The following CADPS2 variants were observed in gnomAD, a reference collection of about 807,000 sequenced individuals.
The protein encoded by CADPS2 is calcium dependent secretion activator 2, also known as calcium-dependent secretion activator 2.
CADPS2 carries 93 observed loss-of-function variants against 172.5 expected under a neutral mutation model. The observed-to-expected ratio is 0.54, with a 90% CI of 0.46 to 0.64. The LOEUF is 0.64. Among genes scored for constraint, CADPS2 ranks in the 30% least tolerant of loss-of-function variants. CADPS2 has a pLI of 0.00. For synonymous variants in CADPS2, 546 were observed against 555.2 expected, an observed-to-expected ratio of 0.98 and a Z score of 0.23; for missense variants, 1,420 against 1,565.9, an observed-to-expected ratio of 0.91 and a Z score of 1.57.
At chr7:122,423,529 C>T (rs921298283) in intron 17 of CADPS2, among the ~76,000 whole-genome samples, 2 of 152,090 alleles carry the variant, frequency 1.3e-5, no homozygotes, top group African/African-American at 4.8e-5. Flanking sequence ...ATAATTGCTC[C>T]ACTATCTGTG....
intron 2 of CADPS2, among the ~76,000 whole-genome samples, chr7:122,686,325 A>G (rs1310125096): frequency 6.6e-6 from 1 of 152,226 alleles, no homozygotes. Context: ...CCTATTGTAC[A>G]TGTGAAATAT....
At chr7:122,569,686 A>C (rs1335556453) in intron 7 of CADPS2, among the ~76,000 whole-genome samples, 4 of 145,200 alleles carry the variant, frequency 2.8e-5, no homozygotes, top group African/African-American at 1.1e-4. Flanking sequence ...AAACAGAGAT[A>C]TAGATCAATG....
chr7:122,664,837 C>G (rs549136664), intron 2 of CADPS2, among the ~76,000 whole-genome samples: 1 of 152,084 alleles, frequency 6.6e-6, no homozygotes, highest in East Asian at 1.9e-4. Flanking sequence ...CAGGCTGGAG[C>G]CCAGTGACAC....
intron 11 of CADPS2, among the ~76,000 whole-genome samples, chr7:122,481,746 C>T (rs1246669732): frequency 6.6e-6 from 1 of 152,056 alleles, no homozygotes; most frequent in African/African-American, 2.4e-5. Context: ...TGCAGTGGCT[C>T]ATGCCTGTAA....
chr7:122,686,711 C>A (rs2083673539), intron 2 of CADPS2, among the ~76,000 whole-genome samples: 2 of 152,206 alleles, frequency 1.3e-5, no homozygotes, highest in Non-Finnish European at 2.9e-5. Context: ...TCCACCCTGA[C>A]AGAGTCTCAT....
chr7:122,668,949 A>G (rs529071099), intron 2 of CADPS2, among the ~76,000 whole-genome samples: 103 of 152,308 alleles, frequency 6.8e-4, no homozygotes, highest in African/African-American at 2.5e-3. Context: ...CCATCAAAAC[A>G]GAAGGTAAGC....
At position 122,573,994 on chromosome 7, in the gene CADPS2, A is replaced by C. The variant is rs560153107; in HGVS notation, c.1335+7185T>G. Among the ~76,000 whole-genome samples the C allele has an allele frequency of 6.6e-5, 10 of 152,266 alleles. No homozygotes were observed. In the South Asian group the frequency reaches 2.1e-3, roughly 32 times the overall value. On this transcript the variant is annotated intron_variant, in intron 7 of 29. Transcript: ENST00000449022. ...CAGACATACACACTTACTGGAATAC[A>C]TTCTAAAGACAAATCAAATGGCAAA...
intron 2 of CADPS2, among the ~76,000 whole-genome samples, chr7:122,730,905 A>AT (rs771983696): frequency 1.8e-4 from 27 of 151,672 alleles, no homozygotes; most frequent in South Asian, 2.1e-4. Flanking sequence ...AATTCAAGAC[A>AT]TTTTGCAAAA....
At chr7:122,455,620 A>G (rs898599716) in intron 14 of CADPS2, among the ~76,000 whole-genome samples, 1 of 152,090 alleles carries the variant, frequency 6.6e-6, no homozygotes, top group Non-Finnish European at 1.5e-5. Context: ...ATTACTTAAG[A>G]TGATAAGAAT....
chr7:122,427,167 C>A (rs887938497), intron 17 of CADPS2: 4 of 149,950 alleles, frequency 2.7e-5, no homozygotes, highest in Non-Finnish European at 4.4e-5. Context: ...TTTTTCTTTT[C>A]TTTTTTAGAA....
At chr7:122,617,693 C>G (rs2075080600) in intron 5 of CADPS2, among the ~76,000 whole-genome samples, 1 of 152,112 alleles carries the variant, frequency 6.6e-6, no homozygotes. Context: ...TAGCACCAAA[C>G]ATAGAGAAAG....
intron 28 of CADPS2, among the ~76,000 whole-genome samples, chr7:122,339,696 G>A (rs1479324741): frequency 6.6e-6 from 1 of 152,142 alleles, no homozygotes; most frequent in African/African-American, 2.4e-5. Flanking sequence ...AGACTCGTCT[G>A]GCCAACGTGG....
Position 122,319,829 on chromosome 7 carries a change from G to T in CADPS2, c.*336C>A, listed in dbSNP as rs1563055068. On this transcript the variant is annotated 3_prime_UTR_variant, in exon 30 of 30. Transcript: ENST00000449022. Reference sequence around the variant, plus strand: ...CGCTTTACACAGAAAACATCATTTTGATGTGATTACAGAAAAATGCTCAAA... The same window carrying T: ...CGCTTTACACAGAAAACATCATTTTTATGTGATTACAGAAAAATGCTCAAA... The T allele has an allele frequency of 4.8e-6, 1 of 210,454 alleles. No homozygotes were observed. The highest frequency in any genetic ancestry group is 9.4e-6 in the Non-Finnish European group (1 of 106,870). 13.0% of individuals were successfully genotyped at this position (210,454 alleles called of 1,614,324 possible).
At chr7:122,513,132 G>C (rs941147624) in intron 9 of CADPS2, 117 bp downstream of exon 9, 5 of 662,608 alleles carry the variant, frequency 7.5e-6, no homozygotes, top group African/African-American at 1.8e-5. Flanking sequence ...TTTATTTAAA[G>C]TGGCTTAAAC....
chr7:122,328,671 G>T (rs2034374835), intron 28 of CADPS2: 1 of 152,110 alleles, frequency 6.6e-6, no homozygotes. Context: ...TTCAACTCCT[G>T]TAAGGGCATG....
intron 28 of CADPS2, among the ~76,000 whole-genome samples, chr7:122,333,442 C>T (rs989126241): frequency 2.6e-5 from 4 of 152,272 alleles, no homozygotes; most frequent in Non-Finnish European, 5.9e-5. Context: ...CTCTGAGTCA[C>T]GGTGCAGTCC....
At chr7:122,401,200 T>TA (rs548767415) in intron 20 of CADPS2, among the ~76,000 whole-genome samples, 43 of 152,328 alleles carry the variant, frequency 2.8e-4, no homozygotes, top group African/African-American at 1.0e-3. Flanking sequence ...GGTTTTCACT[T>TA]AGTGTAGAGC....
chr7:122,577,068 G>A (rs1280966321), intron 7 of CADPS2, among the ~76,000 whole-genome samples: 1 of 151,868 alleles, frequency 6.6e-6, no homozygotes, highest in Non-Finnish European at 1.5e-5. Context: ...GCCTGATCTG[G>A]TGGTTTTATA....
intron 3 of CADPS2, among the ~76,000 whole-genome samples, chr7:122,648,243 T>C (rs1410092622): frequency 6.6e-6 from 1 of 152,144 alleles, no homozygotes; most frequent in African/African-American, 2.4e-5. Flanking sequence ...CACAGAACTC[T>C]GTCCTGGGCT....
Sources: gnomAD v4.1 joint callset for allele counts (sites outside exome capture counted in the v4.1 genomes callset) on GRCh38, gnomAD v4.1.1 for gene constraint, MANE v1.5 for transcripts, NCBI Gene and HGNC (gene_info 2026-07-23, HGNC 2026-07-21) for gene names.